RYK: variants seen among roughly 807,000 people sequenced by gnomAD.
RYK encodes the protein receptor like tyrosine kinase, also known as inactive tyrosine-protein kinase RYK.
In RYK, 21 loss-of-function variants were observed where a neutral mutation model predicts 70.2. The ratio of observed to expected loss-of-function variants is 0.30; its 90% CI spans 0.21 to 0.43. RYK has a LOEUF of 0.43. RYK is among the 20% of genes least tolerant of loss of function. The pLI is 1.00. For missense variants in RYK, 604 were observed against 753.3 expected (o/e 0.80, Z 2.32); for synonymous variants, 267 against 278.0 (o/e 0.96, Z 0.39).
intron 1 of RYK, among the ~76,000 whole-genome samples, chr3:134,227,235 A>C (rs1304915724): frequency 6.6e-6 from 1 of 152,204 alleles, no homozygotes; most frequent in Non-Finnish European, 1.5e-5. Flanking sequence ...AGATCTCTAC[A>C]CTGAAAACTA....
At chr3:134,241,209 C>T (rs992567638) in intron 1 of RYK, among the ~76,000 whole-genome samples, 1 of 151,110 alleles carries the variant, frequency 6.6e-6, no homozygotes, top group Non-Finnish European at 1.5e-5. Context: ...ATTAGCCACG[C>T]GTGGTGGTGC....
chr3:134,207,274 A>C (rs373645419), intron 5 of RYK, among the ~76,000 whole-genome samples, 198 bp downstream of exon 5: 19 of 152,174 alleles, frequency 1.2e-4, no homozygotes, highest in African/African-American at 3.6e-4. Flanking sequence ...AATACGTATA[A>C]ATTTTAGTTC....
intron 4 of RYK, among the ~76,000 whole-genome samples, 200 bp downstream of exon 4, chr3:134,209,495 A>G (rs771752245): frequency 5.3e-5 from 8 of 152,196 alleles, no homozygotes; most frequent in Admixed American, 1.3e-4. Context: ...TTGAGAAAGC[A>G]TGGACTGAAT....
In RYK at chr3:134,157,778, T is replaced by A. The variant is rs72984483; in HGVS notation, c.*375A>T. ...AGGTGAGTCACTTACATCACCTTGA[T>A]GAAGTAAAAAAATAAAAAGCAGTTG... is the stretch of plus-strand genomic sequence containing the variant. On this transcript the variant is annotated 3_prime_UTR_variant, in exon 15 of 15. Transcript: ENST00000623711. 2,696 of 157,452 alleles carry A rather than the reference T, an allele frequency of 0.017. 65 individuals carry two copies. The highest frequency in any genetic ancestry group is 0.062 in the African/African-American group (2,576 of 41,770). The allele number at this position is 157,452 out of a possible 1,614,324, so 9.8% of individuals were successfully genotyped here.
At chr3:134,205,381 G>A (rs1016468545) in intron 5 of RYK, among the ~76,000 whole-genome samples, 4 of 152,136 alleles carry the variant, frequency 2.6e-5, no homozygotes, top group East Asian at 1.9e-4. Context: ...ACAGATTAAC[G>A]TAGAGACCAA....
intron 13 of RYK, among the ~76,000 whole-genome samples, chr3:134,162,238 T>TC: frequency 6.6e-6 from 1 of 151,412 alleles, no homozygotes; most frequent in Non-Finnish European, 1.5e-5. Flanking sequence ...TCAACCATTT[T>TC]TTTTTTTTTT....
At chr3:134,214,878 C>T (rs750214690) in intron 2 of RYK, among the ~76,000 whole-genome samples, 29 of 152,158 alleles carry the variant, frequency 1.9e-4, no homozygotes, top group Non-Finnish European at 3.8e-4. Flanking sequence ...ATTCTAGTCC[C>T]AAGGAAAGGT....
intron 13 of RYK, among the ~76,000 whole-genome samples, chr3:134,165,983 G>C (rs1403070079): frequency 1.3e-5 from 2 of 152,208 alleles, no homozygotes; most frequent in Non-Finnish European, 2.9e-5. Context: ...TTAAGACTTT[G>C]GAGCTGATGC....
intron 3 of RYK, among the ~76,000 whole-genome samples, chr3:134,210,913 G>A (rs1560017910): frequency 6.6e-6 from 1 of 152,186 alleles, no homozygotes; most frequent in Non-Finnish European, 1.5e-5. Context: ...CTTGCAGAAT[G>A]AGTAGGATGA....
At chr3:134,221,015 G>C (rs753135605) in intron 2 of RYK, among the ~76,000 whole-genome samples, 3 of 151,928 alleles carry the variant, frequency 2.0e-5, no homozygotes, top group Admixed American at 6.6e-5. Flanking sequence ...GAGAATGAGT[G>C]AGAGAAAAAG....
chr3:134,224,570 G>C (rs1159927872), intron 1 of RYK, among the ~76,000 whole-genome samples: 1 of 152,174 alleles, frequency 6.6e-6, no homozygotes, highest in Non-Finnish European at 1.5e-5. Flanking sequence ...TCCACAAGAG[G>C]TGGTGGAGCA....
intron 2 of RYK, among the ~76,000 whole-genome samples, chr3:134,219,867 C>T (rs1339894249): frequency 6.6e-6 from 1 of 152,140 alleles, no homozygotes; most frequent in Non-Finnish European, 1.5e-5. Flanking sequence ...GTTCCAAAAA[C>T]AGATGCAAAA....
chr3:134,184,004 T>C (rs2013384228), intron 9 of RYK, among the ~76,000 whole-genome samples: 1 of 152,244 alleles, frequency 6.6e-6, no homozygotes. Context: ...TTAGGTTTTG[T>C]ACCTTTCTGT....
At chr3:134,222,827 T>C (rs1336639108) in intron 1 of RYK, among the ~76,000 whole-genome samples, 1 of 152,188 alleles carries the variant, frequency 6.6e-6, no homozygotes, top group Non-Finnish European at 1.5e-5. Flanking sequence ...TGAGGGCCAG[T>C]GTGATGCTCT....
intron 3 of RYK, 45 bp from the exon 4 acceptor site, chr3:134,209,874 C>G: frequency 7.7e-7 from 1 of 1,292,108 alleles, no homozygotes; most frequent in Non-Finnish European, 1.0e-6. Context: ...TTCTAAAAAT[C>G]AACATTAATG....
intron 8 of RYK, among the ~76,000 whole-genome samples, chr3:134,191,028 G>C (rs371165593): frequency 1.3e-5 from 2 of 152,212 alleles, no homozygotes; most frequent in South Asian, 2.1e-4. Context: ...ACCTGACTTA[G>C]CTGTGATTGA....
chr3:134,245,854 TC>T (rs919487057), intron 1 of RYK, among the ~76,000 whole-genome samples: 1 of 152,000 alleles, frequency 6.6e-6, no homozygotes, highest in African/African-American at 2.4e-5. Context: ...CAATGAAAAG[TC>T]CACCTGAACT....
chr3:134,225,346 A>T (rs1001929307), intron 1 of RYK, among the ~76,000 whole-genome samples: 2 of 152,244 alleles, frequency 1.3e-5, no homozygotes, highest in Non-Finnish European at 2.9e-5. Context: ...GACATGAGAC[A>T]AACTAGGACT....
chr3:134,202,465 T>C (rs527292662), intron 6 of RYK: 16 of 373,640 alleles, frequency 4.3e-5, no homozygotes, highest in South Asian at 3.6e-4. Flanking sequence ...GGTAGAGTCA[T>C]GTCAAAGGGA....
Sources: allele counts gnomAD v4.1 joint callset (sites outside exome capture counted in the v4.1 genomes callset), GRCh38; gene constraint gnomAD v4.1.1; transcripts MANE v1.5; gene names NCBI Gene and HGNC (gene_info 2026-07-23, HGNC 2026-07-21).